The following RBM39 variants were observed in gnomAD, a reference collection of about 807,000 sequenced individuals.
The protein encoded by RBM39 is RNA-binding protein 39.
RBM39 carries 12 observed loss-of-function variants against 79.6 expected under a neutral mutation model. That is an observed-to-expected ratio of 0.15 (90% confidence interval 0.10 to 0.24). The LOEUF is 0.24. RBM39 is among the 10% of genes least tolerant of loss of function. The pLI, the probability that RBM39 is intolerant of heterozygous loss-of-function variation, is 1.00. For synonymous variants in RBM39, 185 were observed against 208.4 expected, an observed-to-expected ratio of 0.89 and a Z score of 0.97; for missense variants, 243 against 653.4, an observed-to-expected ratio of 0.37 and a Z score of 6.85.
At chr20:35,726,420 C>T (rs1369754537) in intron 6 of RBM39, among the ~76,000 whole-genome samples, 1 of 152,148 alleles carries the variant, frequency 6.6e-6, no homozygotes, top group African/African-American at 2.4e-5. Context: ...CGTCAGCCAC[C>T]ACGCCTGGCC....
chr20:35,716,663 GACTAA>G (rs2037172611), intron 10 of RBM39, 72 bp downstream of exon 10: 2 of 879,324 alleles, frequency 2.3e-6, no homozygotes, highest in Admixed American at 5.0e-5. Flanking sequence ...AGGAGCTAGA[GACTAA>G]TCTGAGCAAC....
Position 35,707,122 on chromosome 20 carries a change from T to C in RBM39, c.1305A>G (p.Gln435=), listed in dbSNP as rs931939310. ...CFQLSNMFNP[Q]TEEEVGWDTE... Reference sequence around the variant, plus strand: ...CAAGAATAAAGTCCATTACTTACGTTTGAGGGTTAAACATGTTAGAGAGTT... The same window carrying C: ...CAAGAATAAAGTCCATTACTTACGTCTGAGGGTTAAACATGTTAGAGAGTT... The change falls in exon 14 of 17, where the codon CAA becomes CAG. Residue 435 remains glutamine, a splice_region_variant and synonymous_variant. Coordinates refer to ENST00000253363, the MANE Select transcript of RBM39 (RefSeq NM_184234.3). 8 of 1,579,856 alleles carry C rather than the reference T, an allele frequency of 5.1e-6. No individual in the cohort carries two copies. The highest frequency in any genetic ancestry group is 4.1e-5 in the African/African-American group (3 of 73,954).
At chr20:35,731,824 C>T (rs867238692) in intron 4 of RBM39, 117 bp downstream of exon 4, 1 of 972,214 alleles carries the variant, frequency 1.0e-6, no homozygotes. Context: ...TAATTCAATA[C>T]TTTTTAACCA....
rs555322883 is a variant in RBM39 at position 35,726,718 on chromosome 20, T to C, written c.417-1563A>G. Among the ~76,000 whole-genome samples, 21 of 152,382 alleles carry C rather than the reference T, an allele frequency of 1.4e-4. No individual in the cohort carries two copies. In the Middle Eastern group the frequency reaches 0.014, roughly 99 times the overall value. ...TGTTACAAAATATCAATTAAGGTTG[T>C]AAGTCATCCTTTAAGATGTAAGCCT... is the stretch of plus-strand genomic sequence containing the variant. On this transcript the variant is annotated intron_variant, in intron 6 of 16. Transcript: ENST00000253363.
intron 3 of RBM39, chr20:35,734,806 C>G: frequency 7.3e-7 from 1 of 1,376,070 alleles, no homozygotes; most frequent in Non-Finnish European, 9.4e-7. Flanking sequence ...TGCAAGAAAC[C>G]AGTATATTTC....
At position 35,710,384 on chromosome 20, in the gene RBM39, T is replaced by C. The variant is rs911443548; in HGVS notation, c.1175-1110A>G. 5.3e-5 allele frequency: 8 copies of C among 152,166 alleles called. No individual in the cohort carries two copies. The East Asian group carries it at 1.5e-3, about 29-fold the overall frequency. The allele number at this position is 152,166 out of a possible 1,614,324, so 9.4% of individuals were successfully genotyped here. On this transcript the variant is annotated intron_variant, in intron 12 of 16. Transcript: ENST00000253363. ...GATAGGACCATGTGAACAGTGTCAATAAACTTTAAATAATAACAGAATTTG... is the reference window on the plus strand; with the variant it reads ...GATAGGACCATGTGAACAGTGTCAACAAACTTTAAATAATAACAGAATTTG...
intron 6 of RBM39, among the ~76,000 whole-genome samples, chr20:35,728,467 G>A (rs1440227937): frequency 6.6e-6 from 1 of 152,100 alleles, no homozygotes; most frequent in Non-Finnish European, 1.5e-5. Context: ...AATTAAAATA[G>A]GAAAATAAGA....
At chr20:35,740,760 A>G in intron 2 of RBM39, 64 bp downstream of exon 2, 1 of 1,500,854 alleles carries the variant, frequency 6.7e-7, no homozygotes, top group South Asian at 1.2e-5. Flanking sequence ...ACATTTCAGC[A>G]GTAGTTTCGT....
chr20:35,709,183 T>C, intron 13 of RBM39, 41 bp downstream of exon 13: 3 of 1,532,388 alleles, frequency 2.0e-6, no homozygotes, highest in Non-Finnish European at 2.7e-6. Context: ...TTTAATTCTA[T>C]TTCAAAGACA....
At chr20:35,738,262 C>G (rs563452578) in intron 3 of RBM39, among the ~76,000 whole-genome samples, 12 of 151,886 alleles carry the variant, frequency 7.9e-5, no homozygotes, top group African/African-American at 2.2e-4. Flanking sequence ...AGCAAGACTC[C>G]GACTCACAAG....
intron 3 of RBM39, chr20:35,735,073 C>T (rs762371821): frequency 3.3e-5 from 52 of 1,563,298 alleles, no homozygotes; most frequent in Non-Finnish European, 4.2e-5. Context: ...ATTTTTAATG[C>T]AAAGTATTCT....
intron 9 of RBM39, among the ~76,000 whole-genome samples, chr20:35,721,004 C>G (rs2425097): frequency 6.6e-6 from 1 of 152,046 alleles, no homozygotes; most frequent in Non-Finnish European, 1.5e-5. Flanking sequence ...TGGTGCCATC[C>G]CAGCTCACTG....
intron 2 of RBM39, chr20:35,739,680 T>C (rs531507304): frequency 2.6e-5 from 9 of 348,212 alleles, no homozygotes; most frequent in African/African-American, 1.5e-4. Context: ...ATTACATCCA[T>C]GTTAAAAAAA....
chr20:35,719,655 CG>C (rs903666480), intron 9 of RBM39, among the ~76,000 whole-genome samples: 5 of 151,960 alleles, frequency 3.3e-5, no homozygotes, highest in Non-Finnish European at 7.4e-5. Flanking sequence ...CCAGCCTAGG[CG>C]CAAGGAGTGA....
chr20:35,729,977 T>C (rs576748975), intron 4 of RBM39, among the ~76,000 whole-genome samples: 1 of 152,330 alleles, frequency 6.6e-6, no homozygotes, highest in African/African-American at 2.4e-5. Context: ...TGTGTGTACA[T>C]GTACATATAC....
intron 14 of RBM39, 110 bp from the exon 15 acceptor site, chr20:35,705,440 A>G (rs1354242305): frequency 7.6e-6 from 5 of 654,298 alleles, no homozygotes; most frequent in Non-Finnish European, 7.4e-6. Flanking sequence ...AATACTTTGG[A>G]AAAAAAGCAC....
rs1339340145 is a variant in RBM39, at chr20:35,714,508, A to T, written c.892-119T>A. Reference sequence around the variant, plus strand: ...AATAATTACTTCTGAATACTAAGGTAGAAACTGCAAGCTGTAAGTAGCAAA... The same window carrying T: ...AATAATTACTTCTGAATACTAAGGTTGAAACTGCAAGCTGTAAGTAGCAAA... On this transcript the variant is annotated intron_variant, in intron 10 of 16. Transcript: ENST00000253363. 4 of 1,336,440 alleles carry T rather than the reference A, an allele frequency of 3.0e-6. No individual in the cohort carries two copies. The Middle Eastern group carries it at 8.3e-4, about 277-fold the overall frequency. 82.8% of individuals were successfully genotyped at this position (1,336,440 alleles called of 1,614,324 possible).
At chr20:35,736,567 T>A in intron 3 of RBM39, 1 of 470,888 alleles carries the variant, frequency 2.1e-6, no homozygotes, top group Non-Finnish European at 4.4e-6. Context: ...CATTTAGGGA[T>A]CTTAGGAGGA....
At chr20:35,731,444 A>G (rs1247957634) in intron 4 of RBM39, 1 of 154,636 alleles carries the variant, frequency 6.5e-6, no homozygotes, top group Non-Finnish European at 1.4e-5. Flanking sequence ...ATGAGCATAC[A>G]CAACAAATTC....
Sources: allele counts gnomAD v4.1 joint callset (sites outside exome capture counted in the v4.1 genomes callset), GRCh38; gene constraint gnomAD v4.1.1; transcripts MANE v1.5; gene names NCBI Gene and HGNC (gene_info 2026-07-23, HGNC 2026-07-21).